The following PTPRD variants were observed in gnomAD, a reference collection of about 807,000 sequenced individuals.
PTPRD encodes protein tyrosine phosphatase receptor type D.
A neutral mutation model predicts 214.5 loss-of-function variants in PTPRD; 34 were observed. The ratio of observed to expected loss-of-function variants is 0.16; its 90% confidence interval spans 0.12 to 0.21. The LOEUF is 0.21. PTPRD is among the 10% of genes least tolerant of loss of function. The probability of loss-of-function intolerance (pLI) is 1.00; values close to 1 mark genes in which losing one functional copy is unlikely to be tolerated. For synonymous variants in PTPRD, 1,128 were observed against 845.7 expected (o/e 1.33, Z -5.79); for missense variants, 2,545 against 2,398.7 (o/e 1.06, Z -1.27).
At chr9:10,451,807 C>G (rs2098843371) in intron 2 of PTPRD, among the ~76,000 whole-genome samples, 1 of 151,984 alleles carries the variant, frequency 6.6e-6, no homozygotes, top group Non-Finnish European at 1.5e-5. Flanking sequence ...GCTTTCTTAG[C>G]TCCTTCTAAA....
At chr9:8,512,704 T>G (rs2097705786) in intron 21 of PTPRD, among the ~76,000 whole-genome samples, 1 of 152,122 alleles carries the variant, frequency 6.6e-6, no homozygotes, top group African/African-American at 2.4e-5. Flanking sequence ...CTGTTAAAGG[T>G]ATATCCATAT....
At chr9:8,513,035 C>G (rs1028258588) in intron 21 of PTPRD, among the ~76,000 whole-genome samples, 2 of 152,000 alleles carry the variant, frequency 1.3e-5, no homozygotes, top group East Asian at 1.9e-4. Context: ...ATTTTTCTAG[C>G]TTAATATAAA....
At chr9:10,004,006 A>G (rs1409107452) in intron 4 of PTPRD, among the ~76,000 whole-genome samples, 1 of 151,928 alleles carries the variant, frequency 6.6e-6, no homozygotes, top group East Asian at 1.9e-4. Flanking sequence ...AGAAACTTCA[A>G]AGGTTATTTT....
In PTPRD at chr9:9,201,556, G is replaced by T. The variant is rs190277931; in HGVS notation, c.-202-18193C>A. 1.5e-3 allele frequency among the ~76,000 whole-genome samples: 231 copies of T among 151,990 alleles called. 1 individual carries two copies. Among genetic ancestry groups the T allele is most frequent in the Non-Finnish European group, 8.5e-4 (58 of 67,972 alleles). On this transcript the variant is annotated intron_variant, in intron 9 of 45. Transcript: ENST00000381196. ...TAGAGTACTATATTATAGACTTGGT[G>T]ATTAAAAAAAAACATTGATTTCCTA...
chr9:9,944,548 C>G (rs2092255247), intron 4 of PTPRD, among the ~76,000 whole-genome samples: 1 of 151,888 alleles, frequency 6.6e-6, no homozygotes, highest in South Asian at 2.1e-4. Context: ...TAAATTCTTA[C>G]TAAGGCAACA....
At chr9:9,201,408 A>C (rs2099941768) in intron 9 of PTPRD, among the ~76,000 whole-genome samples, 1 of 152,172 alleles carries the variant, frequency 6.6e-6, no homozygotes, top group African/African-American at 2.4e-5. Flanking sequence ...AGTGCAGCAA[A>C]ATTTAAATCA....
At chr9:9,246,831 A>G (rs894719450) in intron 9 of PTPRD, among the ~76,000 whole-genome samples, 1 of 152,022 alleles carries the variant, frequency 6.6e-6, no homozygotes, top group African/African-American at 2.4e-5. Context: ...TTTCCTGTTA[A>G]GGAAGGAAGA....
At chr9:9,792,882 G>C (rs2098977142) in intron 5 of PTPRD, among the ~76,000 whole-genome samples, 1 of 152,060 alleles carries the variant, frequency 6.6e-6, no homozygotes, top group Non-Finnish European at 1.5e-5. Flanking sequence ...TGAAACATTT[G>C]TCATATAAAC....
intron 8 of PTPRD, among the ~76,000 whole-genome samples, chr9:9,421,486 T>C (rs1387912741): frequency 6.6e-6 from 1 of 152,130 alleles, no homozygotes; most frequent in Non-Finnish European, 1.5e-5. Flanking sequence ...AATGTCTTTG[T>C]GTGCCTCACC....
chr9:8,726,626 T>A lies in PTPRD; in HGVS notation c.64+7154A>T, dbSNP rs1475554316. 5.8e-3 allele frequency among the ~76,000 whole-genome samples: 220 copies of A among 38,072 alleles called. 40 individuals are homozygous for A. Among genetic ancestry groups the A allele is most frequent in the South Asian group, 0.029 (16 of 558 alleles). The allele number at this position is 38,072 out of a possible 152,430, so 25.0% of individuals were successfully genotyped here. On this transcript the variant is annotated intron_variant, in intron 12 of 45. Transcript: ENST00000381196. ...ATATATATATATATATATATATATATATATATATATATATATATATATATG... is the reference window on the plus strand; with the variant it reads ...ATATATATATATATATATATATATAAATATATATATATATATATATATATG...
At chr9:10,195,098 A>ATTTTTTTTTTT (rs34900305) in intron 3 of PTPRD, among the ~76,000 whole-genome samples, 463 of 97,870 alleles carry the variant, frequency 4.7e-3, no homozygotes, top group Non-Finnish European at 6.9e-3. Flanking sequence ...ATACCCGGCT[A>ATTTTTTTTTTT]TTTTTTTTTT....
chr9:10,484,640 G>C (rs1438299431), intron 2 of PTPRD, among the ~76,000 whole-genome samples: 1 of 152,000 alleles, frequency 6.6e-6, no homozygotes, highest in East Asian at 1.9e-4. Context: ...GATGATCAAT[G>C]ATTTGGAGCA....
chr9:9,332,969 C>G (rs1261633768), intron 9 of PTPRD, among the ~76,000 whole-genome samples: 1 of 151,870 alleles, frequency 6.6e-6, no homozygotes, highest in Non-Finnish European at 1.5e-5. Context: ...CAAAAGTGAT[C>G]TAAAGTGATT....
chr9:8,988,927 G>A (rs967100056), intron 11 of PTPRD, among the ~76,000 whole-genome samples: 3 of 152,034 alleles, frequency 2.0e-5, no homozygotes, highest in South Asian at 4.1e-4. Context: ...GTAAATTGAC[G>A]CATTCAGAAT....
At position 8,601,045 on chromosome 9, in the gene PTPRD, C is replaced by T. The variant is rs529659673; in HGVS notation, c.352+32272G>A. On this transcript the variant is annotated intron_variant, in intron 14 of 45. Transcript: ENST00000381196. ...TCGCCTTGAAGGGTGAGTCCCAGTC[C>T]TGGCAGCCACAAGCTGACTGAAGAG... Among the ~76,000 whole-genome samples the T allele has an allele frequency of 2.4e-4, 36 of 152,194 alleles. No individual in the cohort carries two copies. The East Asian group carries it at 5.1e-3, about 21-fold the overall frequency.
intron 11 of PTPRD, among the ~76,000 whole-genome samples, chr9:8,814,767 A>G (rs2096886268): frequency 6.6e-6 from 1 of 152,218 alleles, no homozygotes; most frequent in South Asian, 2.1e-4. Flanking sequence ...TACAAATAGT[A>G]TGGATTATAC....
intron 8 of PTPRD, among the ~76,000 whole-genome samples, chr9:9,402,762 A>T (rs1015794101): frequency 6.6e-6 from 1 of 151,814 alleles, no homozygotes; most frequent in Non-Finnish European, 1.5e-5. Flanking sequence ...TTCAGTGGGT[A>T]CCCATTTTCA....
At chr9:9,960,984 T>C (rs1211615361) in intron 4 of PTPRD, among the ~76,000 whole-genome samples, 1 of 151,882 alleles carries the variant, frequency 6.6e-6, no homozygotes, top group East Asian at 1.9e-4. Flanking sequence ...AACAACCCCA[T>C]CAACAAGTGG....
At chr9:9,321,999 T>A (rs1456599598) in intron 9 of PTPRD, among the ~76,000 whole-genome samples, 1 of 152,184 alleles carries the variant, frequency 6.6e-6, no homozygotes, top group Non-Finnish European at 1.5e-5. Flanking sequence ...AGTATTACAG[T>A]CTTAAAAGTA....
Sources: allele counts gnomAD v4.1 joint callset (sites outside exome capture counted in the v4.1 genomes callset), GRCh38; gene constraint gnomAD v4.1.1; transcripts MANE v1.5; gene names NCBI Gene and HGNC (gene_info 2026-07-23, HGNC 2026-07-21).